The following BRINP1 variants were observed in gnomAD, a reference collection of about 807,000 sequenced individuals.
The protein encoded by BRINP1 is BMP/retinoic acid inducible neural specific 1, also known as BMP/retinoic acid-inducible neural-specific protein 1.
A neutral mutation model predicts 72.9 loss-of-function variants in BRINP1; 17 were observed. That is an observed-to-expected ratio of 0.23 (90% CI 0.16 to 0.35). BRINP1 has a LOEUF of 0.35. BRINP1 is among the 10% of genes least tolerant of loss of function. BRINP1 has a pLI of 1.00. For synonymous variants in BRINP1, 418 were observed against 378.5 expected (o/e 1.10, Z -1.21); for missense variants, 850 against 1,001.6 (o/e 0.85, Z 2.04).
At chr9:119,217,859 G>A (rs1829995377) in intron 5 of BRINP1, among the ~76,000 whole-genome samples, 1 of 151,520 alleles carries the variant, frequency 6.6e-6, no homozygotes, top group South Asian at 2.1e-4. Context: ...CTTTTTTTCA[G>A]TACCTGCAAT....
At chr9:119,360,116 T>C (rs2119041394) in intron 1 of BRINP1, among the ~76,000 whole-genome samples, 1 of 152,332 alleles carries the variant, frequency 6.6e-6, no homozygotes, top group Admixed American at 6.5e-5. Flanking sequence ...CAGAATAAAA[T>C]TCTTTATAAG....
chr9:119,194,183 C>T (rs1417676623), intron 7 of BRINP1, among the ~76,000 whole-genome samples: 2 of 152,160 alleles, frequency 1.3e-5, no homozygotes, highest in African/African-American at 4.8e-5. Flanking sequence ...CAGCAACTTC[C>T]AGCATGAATT....
intron 2 of BRINP1, among the ~76,000 whole-genome samples, chr9:119,273,135 A>C (rs1830624071): frequency 6.6e-6 from 1 of 152,224 alleles, no homozygotes; most frequent in South Asian, 2.1e-4. Flanking sequence ...AGTTATCTGC[A>C]TCAGGAGACA....
At chr9:119,343,015 C>A (rs756165172) in intron 1 of BRINP1, among the ~76,000 whole-genome samples, 6 of 152,164 alleles carry the variant, frequency 3.9e-5, no homozygotes, top group Non-Finnish European at 8.8e-5. Flanking sequence ...TGGGCGGATG[C>A]CTGGGTCAAA....
chr9:119,365,460 G>GA (rs1418757202), intron 1 of BRINP1, among the ~76,000 whole-genome samples: 2 of 152,174 alleles, frequency 1.3e-5, no homozygotes, highest in African/African-American at 4.8e-5. Flanking sequence ...GGAAAAGCAG[G>GA]AAAAGACGGG....
rs377276828 is a variant in BRINP1, at chr9:119,249,182, C to A, written c.219-32G>T. 9.0e-5 allele frequency: 144 copies of A among 1,596,896 alleles called. 1 individual carries two copies. Among genetic ancestry groups the A allele is most frequent in the Non-Finnish European group, 1.2e-4 (143 of 1,170,618 alleles). ...AGGAGAAATGAGCAACACTTCTCAA[C>A]TTACCACCATTACCCTTAAGCCAAA... On this transcript the variant is annotated intron_variant, in intron 2 of 7. Transcript: ENST00000265922.
intron 7 of BRINP1, among the ~76,000 whole-genome samples, chr9:119,187,204 G>A (rs1829632329): frequency 6.6e-6 from 1 of 151,620 alleles, no homozygotes; most frequent in South Asian, 2.1e-4. Flanking sequence ...CTGATCATAG[G>A]ACCCCAGTTC....
chr9:119,323,471 T>C (rs1831210347), intron 1 of BRINP1, among the ~76,000 whole-genome samples: 1 of 152,040 alleles, frequency 6.6e-6, no homozygotes, highest in Admixed American at 6.5e-5. Context: ...GGAGAGGTGA[T>C]GCCAGAGACA....
chr9:119,225,936 A>G (rs559196276), intron 5 of BRINP1, among the ~76,000 whole-genome samples: 2 of 152,224 alleles, frequency 1.3e-5, no homozygotes, highest in African/African-American at 2.4e-5. Flanking sequence ...CGACAGTTCA[A>G]ATAACTTTAA....
At chr9:119,178,611 C>CAACTA in intron 7 of BRINP1, among the ~76,000 whole-genome samples, 1 of 152,302 alleles carries the variant, frequency 6.6e-6, no homozygotes, top group African/African-American at 2.4e-5. Flanking sequence ...CAGTGACTTA[C>CAACTA]AACTATTGAG....
chr9:119,255,827 C>T (rs1347603802), intron 2 of BRINP1, among the ~76,000 whole-genome samples: 4 of 151,816 alleles, frequency 2.6e-5, no homozygotes, highest in Admixed American at 6.6e-5. Flanking sequence ...TGGCAGCATG[C>T]GCCTGTAGTC....
chr9:119,292,372 T>C (rs1426586759), intron 2 of BRINP1, among the ~76,000 whole-genome samples: 2 of 152,236 alleles, frequency 1.3e-5, no homozygotes, highest in Non-Finnish European at 2.9e-5. Flanking sequence ...ACTTTTATTA[T>C]AGCTTTAGAG....
At chr9:119,252,552 A>ATGTG (rs1491414290) in intron 2 of BRINP1, among the ~76,000 whole-genome samples, 4 of 146,898 alleles carry the variant, frequency 2.7e-5, no homozygotes, top group East Asian at 2.0e-4. Context: ...ATATAGTCAT[A>ATGTG]CGTGTGTGTG....
At chr9:119,288,375 T>C (rs1295426350) in intron 2 of BRINP1, among the ~76,000 whole-genome samples, 2 of 152,114 alleles carry the variant, frequency 1.3e-5, no homozygotes, top group Admixed American at 6.6e-5. Flanking sequence ...ATCCTAAACA[T>C]AGGTTTATGA....
At chr9:119,168,296 A>T in intron 7 of BRINP1, 72 bp from the exon 8 acceptor site, 1 of 1,269,424 alleles carries the variant, frequency 7.9e-7, no homozygotes, top group South Asian at 1.7e-5. Flanking sequence ...TATCCAACTG[A>T]TAATGCGAAC....
chr9:119,237,361 T>TATTATTATTATTATTATC (rs1830202207), intron 5 of BRINP1, among the ~76,000 whole-genome samples: 1 of 150,344 alleles, frequency 6.7e-6, no homozygotes, highest in African/African-American at 2.5e-5. Flanking sequence ...TTATTATTAT[T>TATTATTATTATTATTATC]ATTATTATTA....
intron 1 of BRINP1, among the ~76,000 whole-genome samples, chr9:119,320,802 T>C (rs368891358): frequency 2.5e-4 from 38 of 152,342 alleles, no homozygotes; most frequent in African/African-American, 8.7e-4. Context: ...TATACTTTAG[T>C]TGCTGTGAAA....
intron 1 of BRINP1, among the ~76,000 whole-genome samples, chr9:119,359,175 C>A (rs1223067116): frequency 1.3e-5 from 2 of 152,104 alleles, no homozygotes; most frequent in East Asian, 3.9e-4. Flanking sequence ...TACACACATG[C>A]CTCTATGAAG....
At chr9:119,290,893 C>A (rs892534995) in intron 2 of BRINP1, among the ~76,000 whole-genome samples, 3 of 152,056 alleles carry the variant, frequency 2.0e-5, no homozygotes, top group African/African-American at 4.8e-5. Context: ...GAGGCCGAGG[C>A]GGGCAGATCA....
Sources: allele counts gnomAD v4.1 joint callset (sites outside exome capture counted in the v4.1 genomes callset), GRCh38; gene constraint gnomAD v4.1.1; transcripts MANE v1.5; gene names NCBI Gene and HGNC (gene_info 2026-07-23, HGNC 2026-07-21).